PPFIA2: variants seen among roughly 807,000 people sequenced by gnomAD.
PPFIA2 encodes liprin-alpha-2.
PPFIA2 carries 46 observed loss-of-function variants against 175.5 expected under a neutral mutation model. The ratio of observed to expected loss-of-function variants is 0.26; its 90% CI spans 0.21 to 0.34. PPFIA2 has a LOEUF of 0.34. PPFIA2 is among the 10% of genes least tolerant of loss of function. PPFIA2 has a pLI of 1.00. For missense variants in PPFIA2, 1,179 were observed against 1,506.1 expected (o/e 0.78, Z 3.60); for synonymous variants, 568 against 511.4 (o/e 1.11, Z -1.49).
At chr12:81,681,025 G>T (rs544637592) in intron 3 of PPFIA2, among the ~76,000 whole-genome samples, 1 of 152,036 alleles carries the variant, frequency 6.6e-6, no homozygotes, top group African/African-American at 2.4e-5. Context: ...TGAAACAATG[G>T]TAGCCTTCTT....
chr12:81,280,894 A>G (rs1250436536), intron 27 of PPFIA2, among the ~76,000 whole-genome samples: 1 of 144,234 alleles, frequency 6.9e-6, no homozygotes, highest in Non-Finnish European at 1.5e-5. Flanking sequence ...ATTTGTGTAG[A>G]GTTGAAACTA....
At chr12:81,610,105 C>CG (rs1567561417) in intron 4 of PPFIA2, among the ~76,000 whole-genome samples, 2 of 152,046 alleles carry the variant, frequency 1.3e-5, no homozygotes, top group African/African-American at 4.8e-5. Context: ...CTATCTCTTC[C>CG]GGCAAGTAGG....
At chr12:81,389,194 TTATA>T (rs965530409) in intron 8 of PPFIA2, among the ~76,000 whole-genome samples, 1 of 147,986 alleles carries the variant, frequency 6.8e-6, no homozygotes, top group East Asian at 2.0e-4. Flanking sequence ...TACACATATA[TTATA>T]TATATATAAT....
chr12:81,270,605 C>A (rs2038793935), intron 28 of PPFIA2: 1 of 152,220 alleles, frequency 6.6e-6, no homozygotes, highest in South Asian at 2.1e-4. Flanking sequence ...AAATTGCCAG[C>A]AAATCACCAG....
intron 7 of PPFIA2, among the ~76,000 whole-genome samples, chr12:81,436,647 A>G (rs775812174): frequency 2.6e-5 from 4 of 152,198 alleles, no homozygotes; most frequent in Non-Finnish European, 4.4e-5. Context: ...CTCTTACTAT[A>G]GAGAATCAAC....
chr12:81,498,312 T>A (rs1383511709), intron 4 of PPFIA2, among the ~76,000 whole-genome samples: 2 of 152,220 alleles, frequency 1.3e-5, no homozygotes, highest in East Asian at 3.9e-4. Context: ...AATATTACTC[T>A]GTTCCAGGAT....
intron 14 of PPFIA2, among the ~76,000 whole-genome samples, chr12:81,363,403 T>C (rs1045203314): frequency 6.6e-6 from 1 of 151,646 alleles, no homozygotes; most frequent in Non-Finnish European, 1.5e-5. Flanking sequence ...CCATTATTTG[T>C]ACTTAATTAT....
chr12:81,312,069 T>C (rs566249390), intron 22 of PPFIA2: 6 of 1,285,262 alleles, frequency 4.7e-6, no homozygotes, highest in South Asian at 2.6e-5. Context: ...GCAGCTTGTG[T>C]TACAACTCAA....
chr12:81,380,661 A>G (rs1441277450), intron 9 of PPFIA2, among the ~76,000 whole-genome samples: 1 of 152,154 alleles, frequency 6.6e-6, no homozygotes, highest in Non-Finnish European at 1.5e-5. Flanking sequence ...TCATAGTGGA[A>G]GAAGCACAGG....
In PPFIA2 at chr12:81,264,912, CATAA is replaced by C. The variant is rs1213873631; in HGVS notation, c.3556-1526_3556-1523del. ...TTCTTGGAGAAGTTTTTGCATTAAG[CATAA>C]ATAGTCTTCAGTTTTATAAAACACT... is the stretch of plus-strand genomic sequence containing the variant. On this transcript the variant is annotated intron_variant, in intron 30 of 32. Coordinates refer to ENST00000549396, the MANE Select transcript of PPFIA2 (RefSeq NM_003625.5). Among the ~76,000 whole-genome samples the C allele has an allele frequency of 3.9e-5, 6 of 152,140 alleles. No individual in the cohort carries two copies. In the South Asian group the frequency reaches 1.2e-3, roughly 32 times the overall value.
At chr12:81,521,838 T>A (rs1241501306) in intron 4 of PPFIA2, among the ~76,000 whole-genome samples, 1 of 151,538 alleles carries the variant, frequency 6.6e-6, no homozygotes, top group African/African-American at 2.4e-5. Context: ...AAAAAAAAAT[T>A]ATTGCACATT....
intron 5 of PPFIA2, among the ~76,000 whole-genome samples, chr12:81,446,676 A>G (rs1456269372): frequency 6.6e-6 from 1 of 152,238 alleles, no homozygotes; most frequent in Non-Finnish European, 1.5e-5. Flanking sequence ...AAAATAAAGA[A>G]GAAAATAAAG....
At chr12:81,404,161 C>G (rs2042524219) in intron 8 of PPFIA2, among the ~76,000 whole-genome samples, 1 of 152,070 alleles carries the variant, frequency 6.6e-6, no homozygotes. Context: ...TGCCCTCCTC[C>G]TCCATAAGAA....
chr12:81,566,266 G>A (rs941953718), intron 4 of PPFIA2, among the ~76,000 whole-genome samples: 6 of 152,122 alleles, frequency 3.9e-5, no homozygotes, highest in Non-Finnish European at 8.8e-5. Context: ...GCTCATGCCT[G>A]TAATCCCAGC....
chr12:81,336,753 T>C (rs1488537555), intron 21 of PPFIA2, among the ~76,000 whole-genome samples: 2 of 152,198 alleles, frequency 1.3e-5, no homozygotes, highest in African/African-American at 4.8e-5. Flanking sequence ...ATTTGGTACT[T>C]TGACATCACT....
chr12:81,333,639 A>T (rs925949156), intron 21 of PPFIA2, among the ~76,000 whole-genome samples: 5 of 152,142 alleles, frequency 3.3e-5, no homozygotes, highest in African/African-American at 9.7e-5. Flanking sequence ...TTTTTCTTTA[A>T]AAACTTGCTT....
intron 5 of PPFIA2, among the ~76,000 whole-genome samples, chr12:81,448,461 C>T (rs905455359): frequency 6.6e-6 from 1 of 152,194 alleles, no homozygotes; most frequent in African/African-American, 2.4e-5. Context: ...TCTCAAAACA[C>T]TATTTCAGTT....
At chr12:81,739,426 T>A (rs1444897809) in intron 3 of PPFIA2, among the ~76,000 whole-genome samples, 1 of 152,048 alleles carries the variant, frequency 6.6e-6, no homozygotes. Context: ...ATAACCTTTT[T>A]ATAAGCATTT....
chr12:81,663,276 A>G (rs1473306209), intron 4 of PPFIA2, among the ~76,000 whole-genome samples: 1 of 152,200 alleles, frequency 6.6e-6, no homozygotes, highest in Non-Finnish European at 1.5e-5. Flanking sequence ...ACATGATTGT[A>G]TATCTAGAAA....
Sources: gnomAD v4.1 joint callset for allele counts (sites outside exome capture counted in the v4.1 genomes callset) on GRCh38, gnomAD v4.1.1 for gene constraint, MANE v1.5 for transcripts, NCBI Gene and HGNC (gene_info 2026-07-23, HGNC 2026-07-21) for gene names.